VCAN: variants seen among roughly 807,000 people sequenced by gnomAD.
VCAN encodes the protein versican, also known as versican core protein.
VCAN carries 44 observed loss-of-function variants against 245.5 expected under a neutral mutation model. The observed-to-expected ratio is 0.18, with a 90% CI of 0.14 to 0.23. The LOEUF (loss-of-function observed/expected upper bound fraction) is 0.23. Ranked by LOEUF, VCAN falls within the 10% of genes least tolerant of loss-of-function variation. VCAN has a pLI of 1.00. For synonymous variants in VCAN, 1,413 were observed against 1,437.0 expected (o/e 0.98, Z 0.38); for missense variants, 3,793 against 4,057.9 (o/e 0.93, Z 1.77).
chr5:83,543,453 A>C (rs190547521), intron 8 of VCAN, among the ~76,000 whole-genome samples: 7 of 152,310 alleles, frequency 4.6e-5, no homozygotes, highest in Non-Finnish European at 8.8e-5. Context: ...TATCAATATT[A>C]CCTTTTGTGC....
rs1561242915 is a variant in VCAN at position 83,519,408 on chromosome 5, T to C, written c.1102T>C (p.Ser368Pro). Reference protein sequence around the residue: ...ILAETASPSLSKEPQMVSDRT... With the variant: ...ILAETASPSLPKEPQMVSDRT... ...CGCAGAAACTGCATCACCCAGTTTA[T>C]CCAAAGAACCACAAATGGTTTCTGA... Residue 368 changes from serine to proline, a missense_variant, in exon 7 of 15, where the codon TCC becomes CCC. Around this residue, in one of 5 missense-constraint regions of VCAN, gnomAD observed 3,182 missense variants for 3,250.3 expected, o/e 0.98. Transcript: ENST00000265077. 3.1e-6 allele frequency: 5 copies of C among 1,614,140 alleles called. No homozygotes were observed. The highest frequency in any genetic ancestry group is 4.2e-6 in the Non-Finnish European group (5 of 1,179,952).
At chr5:83,483,427 C>T (rs952569243) in intron 1 of VCAN, 86 bp from the exon 2 acceptor site, 5 of 1,051,914 alleles carry the variant, frequency 4.8e-6, no homozygotes, top group Non-Finnish European at 7.3e-6. Flanking sequence ...ACCCTTATTA[C>T]ATACAATGCA....
intron 12 of VCAN, among the ~76,000 whole-genome samples, chr5:83,571,263 T>C (rs1554043479): frequency 6.6e-6 from 1 of 152,186 alleles, no homozygotes; most frequent in Admixed American, 6.5e-5. Flanking sequence ...TATTTTCATC[T>C]TATCAAAGTT....
rs753627158 is a variant in VCAN at position 83,539,705 on chromosome 5, A to G, written c.6702A>G (p.Lys2234=). 1.9e-6 allele frequency: 3 copies of G among 1,613,732 alleles called. No individual in the cohort carries two copies. The highest frequency in any genetic ancestry group is 1.7e-6 in the Non-Finnish European group (2 of 1,179,986). The change falls in exon 8 of 15, where the codon AAA becomes AAG. Residue 2234 remains lysine, a synonymous_variant. Transcript: ENST00000265077. ...CAATCAAAAAGGAAGAAAGTACAAA[A>G]CATTTTCCGAAAGGCATGAGACCAA... ...DSPIKKEEST[K]HFPKGMRPTI...
intron 12 of VCAN, among the ~76,000 whole-genome samples, chr5:83,558,289 T>C (rs1361964555): frequency 6.6e-6 from 1 of 152,158 alleles, no homozygotes; most frequent in African/African-American, 2.4e-5. Flanking sequence ...TTTGAAAATA[T>C]CCCTAACAGT....
chr5:83,494,623 C>T (rs1318891935), intron 5 of VCAN, among the ~76,000 whole-genome samples: 1 of 152,090 alleles, frequency 6.6e-6, no homozygotes, highest in African/African-American at 2.4e-5. Flanking sequence ...TCAATAGTAC[C>T]GACATTATCT....
In VCAN at chr5:83,519,579, A is replaced by G; in HGVS notation, c.1273A>G (p.Thr425Ala). 1.2e-6 allele frequency: 2 copies of G among 1,614,064 alleles called. No individual in the cohort carries two copies. Among genetic ancestry groups the G allele is most frequent in the Non-Finnish European group, 8.5e-7 (1 of 1,179,968 alleles). Residue 425 changes from threonine (T) to alanine (A), a missense_variant, in exon 7 of 15, where the codon ACA (threonine) becomes GCA (alanine). Coordinates refer to ENST00000265077, the MANE Select transcript of VCAN (RefSeq NM_004385.5). Reference protein sequence around the residue: ...ITDSLATKLPTPTGSTKKPWD... With the variant: ...ITDSLATKLPAPTGSTKKPWD... ...AGATAGTTTAGCCACCAAATTACCC[A>G]CACCTACTGGCAGTACCAAGAAGCC...
chr5:83,489,341 T>G (rs1479287695), intron 2 of VCAN, among the ~76,000 whole-genome samples: 1 of 152,202 alleles, frequency 6.6e-6, no homozygotes, highest in Non-Finnish European at 1.5e-5. Context: ...CAGGTAATGG[T>G]GTTAAACTGT....
At chr5:83,564,608 C>A (rs160281) in intron 12 of VCAN, among the ~76,000 whole-genome samples, 2 of 151,740 alleles carry the variant, frequency 1.3e-5, no homozygotes, top group African/African-American at 4.8e-5. Flanking sequence ...AATAGTAGAA[C>A]GCTGGAGAAA....
At chr5:83,577,223 A>G (rs1360775045) in intron 13 of VCAN, among the ~76,000 whole-genome samples, 1 of 152,110 alleles carries the variant, frequency 6.6e-6, no homozygotes, top group Non-Finnish European at 1.5e-5. Flanking sequence ...CTGAGTAAAC[A>G]ATTTTATCGT....
chr5:83,474,742 G>C (rs1279665017), intron 1 of VCAN, among the ~76,000 whole-genome samples: 1 of 152,244 alleles, frequency 6.6e-6, no homozygotes, highest in Admixed American at 6.5e-5. Flanking sequence ...CAGCTTAACC[G>C]AGAGAGCCGA....
chr5:83,497,598 C>T (rs183653011), intron 5 of VCAN, among the ~76,000 whole-genome samples: 34 of 152,056 alleles, frequency 2.2e-4, no homozygotes, highest in African/African-American at 7.7e-4. Flanking sequence ...TAATAGAATG[C>T]TATTATTAAG....
In VCAN at chr5:83,512,333, C is replaced by A. The variant is rs774306510; in HGVS notation, c.979C>A (p.Arg327Ser). The A allele has an allele frequency of 1.9e-6, 3 of 1,610,980 alleles. No homozygotes were observed. Among genetic ancestry groups the A allele is most frequent in the Non-Finnish European group, 2.5e-6 (3 of 1,177,406 alleles). Residue 327 changes from arginine (R) to serine (S), a missense_variant, in exon 6 of 15, where the codon CGT becomes AGT. By Grantham distance (110) the Arg-to-Ser change is moderately radical (BLOSUM62 -1). This residue lies in a region of VCAN where 190 missense variants were observed against 288.6 expected (regional missense o/e 0.66). Coordinates refer to ENST00000265077, the MANE Select transcript of VCAN (RefSeq NM_004385.5). ...TCTACTTGGGGTGAGAACCCTGTAT[C>A]GTTTTGAGAACCAGACAGGCTTCCC... ...GGLLGVRTLY[R>S]FENQTGFPPP...
chr5:83,512,570 A>G (rs1202985401), intron 6 of VCAN, 174 bp downstream of exon 6: 3 of 832,842 alleles, frequency 3.6e-6, no homozygotes, highest in African/African-American at 1.7e-5. Flanking sequence ...GATATGGTTA[A>G]AACCACAGGA....
chr5:83,483,654 G>C, intron 2 of VCAN, 66 bp downstream of exon 2: 1 of 1,406,078 alleles, frequency 7.1e-7, no homozygotes, highest in South Asian at 1.2e-5. Context: ...AGGATGAAAT[G>C]GCAATGTGGA....
intron 13 of VCAN, among the ~76,000 whole-genome samples, chr5:83,574,039 G>C (rs1748385646): frequency 1.3e-5 from 2 of 152,180 alleles, no homozygotes; most frequent in South Asian, 4.1e-4. Flanking sequence ...CAAGACCTGG[G>C]GGGCCTCTGG....
intron 3 of VCAN, among the ~76,000 whole-genome samples, chr5:83,491,683 C>T (rs1744985263): frequency 6.6e-6 from 1 of 152,124 alleles, no homozygotes; most frequent in South Asian, 2.1e-4. Context: ...CCCCTTGCCC[C>T]TCTGAAACAA....
chr5:83,477,026 T>C (rs1744416354), intron 1 of VCAN, among the ~76,000 whole-genome samples: 1 of 152,182 alleles, frequency 6.6e-6, no homozygotes, highest in Non-Finnish European at 1.5e-5. Flanking sequence ...ACTTGAGGTA[T>C]AGTGGAATGA....
chr5:83,523,715 A>G (rs1238701000), intron 7 of VCAN, among the ~76,000 whole-genome samples: 2 of 152,154 alleles, frequency 1.3e-5, no homozygotes, highest in Non-Finnish European at 2.9e-5. Flanking sequence ...CAGTTTAAAA[A>G]GGACAGGATT....
Sources: gnomAD v4.1 joint callset for allele counts (sites outside exome capture counted in the v4.1 genomes callset) on GRCh38, gnomAD v4.1.1 for gene constraint, gnomAD v4.1.1 regional missense constraint, MANE v1.5 for transcripts, NCBI Gene and HGNC (gene_info 2026-07-23, HGNC 2026-07-21) for gene names.